The following CLASP2 variants were observed in gnomAD, a reference collection of about 807,000 sequenced individuals.
The protein encoded by CLASP2 is cytoplasmic linker associated protein 2.
In CLASP2, 47 loss-of-function variants were observed where a neutral mutation model predicts 194.4. The ratio of observed to expected loss-of-function variants is 0.24; its 90% CI spans 0.19 to 0.31. CLASP2 has a LOEUF of 0.31. CLASP2 is among the 10% of genes least tolerant of loss of function. The pLI is 1.00. For synonymous variants in CLASP2, 619 were observed against 633.5 expected, an observed-to-expected ratio of 0.98 and a Z score of 0.34; for missense variants, 1,445 against 1,823.6, an observed-to-expected ratio of 0.79 and a Z score of 3.78.
intron 21 of CLASP2, among the ~76,000 whole-genome samples, chr3:33,589,814 A>T (rs558005926): frequency 1.4e-3 from 215 of 152,060 alleles, no homozygotes; most frequent in African/African-American, 3.5e-3. Flanking sequence ...AAGTATTTTT[A>T]AAAAAAAGCC....
intron 7 of CLASP2, among the ~76,000 whole-genome samples, chr3:33,654,008 C>T (rs1418883143): frequency 1.3e-5 from 2 of 148,616 alleles, no homozygotes; most frequent in Non-Finnish European, 3.0e-5. Flanking sequence ...AAAAAGAAGG[C>T]ACATTCCCTT....
chr3:33,691,243 G>A (rs1217342985), intron 2 of CLASP2, among the ~76,000 whole-genome samples: 2 of 152,062 alleles, frequency 1.3e-5, no homozygotes, highest in African/African-American at 4.8e-5. Context: ...CTGAATCAAC[G>A]GAGGACTAAG....
chr3:33,635,400 C>T (rs780456813), intron 8 of CLASP2, among the ~76,000 whole-genome samples: 1 of 152,156 alleles, frequency 6.6e-6, no homozygotes, highest in Non-Finnish European at 1.5e-5. Flanking sequence ...AAAAAGGTTT[C>T]TTGTGGAACT....
Position 33,535,470 on chromosome 3 carries a change from G to T in CLASP2, c.3559-9C>A. The T allele has an allele frequency of 6.2e-7, 1 of 1,604,186 alleles. No homozygotes were observed. The highest frequency in any genetic ancestry group is 1.1e-5 in the South Asian group (1 of 90,252). ...CCAGGACCACCACACATCTATCAATGGGAAGTGAAAGCCACAGCAAATTAA... is the reference window on the plus strand; with the variant it reads ...CCAGGACCACCACACATCTATCAATTGGAAGTGAAAGCCACAGCAAATTAA... On this transcript the variant is annotated splice_polypyrimidine_tract_variant and intron_variant, in intron 33 of 38. Coordinates refer to ENST00000682230, the MANE Select transcript of CLASP2 (RefSeq NM_001365631.1).
At chr3:33,593,590 T>C (rs1025733317) in intron 20 of CLASP2, among the ~76,000 whole-genome samples, 2 of 152,188 alleles carry the variant, frequency 1.3e-5, no homozygotes, top group African/African-American at 4.8e-5. Flanking sequence ...AGAAGTTTAA[T>C]TGGTAGAATA....
rs2045793734 is a variant in CLASP2, at chr3:33,496,462, AG to A, written c.*2168del. On this transcript the variant is annotated 3_prime_UTR_variant, in exon 39 of 39. Coordinates refer to ENST00000682230, the MANE Select transcript of CLASP2 (RefSeq NM_001365631.1). ...TGATTTAAATAATCAGCTTTCTTAT[AG>A]TCTTATCAACTGAGATTATAAAATT... 1 of 152,212 alleles carries A rather than the reference AG, an allele frequency of 6.6e-6. No homozygotes were observed. The highest frequency in any genetic ancestry group is 1.5e-5 in the Non-Finnish European group (1 of 68,030). 9.4% of individuals were successfully genotyped at this position (152,212 alleles called of 1,614,324 possible).
At chr3:33,560,609 A>T (rs191517046) in intron 28 of CLASP2, among the ~76,000 whole-genome samples, 199 bp downstream of exon 28, 29 of 151,604 alleles carry the variant, frequency 1.9e-4, no homozygotes, top group Non-Finnish European at 2.7e-4. Flanking sequence ...CAATTTTTAT[A>T]AAAAAAAATG....
At chr3:33,592,540 A>G (rs1446499313) in intron 20 of CLASP2, 44 bp from the exon 21 acceptor site, 1 of 1,389,468 alleles carries the variant, frequency 7.2e-7, no homozygotes. Flanking sequence ...TTTTTCTATA[A>G]TAATGTTTAA....
At chr3:33,688,405 C>T in intron 3 of CLASP2, 37 bp from the exon 4 acceptor site, 2 of 1,373,648 alleles carry the variant, frequency 1.5e-6, no homozygotes, top group Non-Finnish European at 2.0e-6. Flanking sequence ...TAACAAAAAA[C>T]TAAATTATTC....
chr3:33,611,587 T>C (rs1164902079), intron 13 of CLASP2, among the ~76,000 whole-genome samples: 1 of 152,206 alleles, frequency 6.6e-6, no homozygotes, highest in African/African-American at 2.4e-5. Flanking sequence ...TACTAATGTG[T>C]ATCTCATTTA....
At chr3:33,674,497 T>C (rs998316759) in intron 6 of CLASP2, among the ~76,000 whole-genome samples, 2 of 150,758 alleles carry the variant, frequency 1.3e-5, no homozygotes, top group African/African-American at 2.5e-5. Flanking sequence ...AGATCCAAAA[T>C]TGACACCCTA....
chr3:33,684,017 G>A (rs2090249106), intron 6 of CLASP2, among the ~76,000 whole-genome samples: 1 of 151,616 alleles, frequency 6.6e-6, no homozygotes, highest in South Asian at 2.1e-4. Flanking sequence ...GCTGAGGTGG[G>A]TGGATCACCT....
intron 29 of CLASP2, among the ~76,000 whole-genome samples, chr3:33,552,648 C>T (rs1243651930): frequency 3.9e-5 from 6 of 151,984 alleles, no homozygotes; most frequent in South Asian, 4.1e-4. Context: ...CATAGTGAAA[C>T]GTTTCTCATA....
intron 30 of CLASP2, among the ~76,000 whole-genome samples, chr3:33,546,396 C>A (rs1027662073): frequency 6.6e-6 from 1 of 152,152 alleles, no homozygotes; most frequent in Admixed American, 6.5e-5. Context: ...ATATTTCGAT[C>A]ATATCCTTCC....
intron 24 of CLASP2, among the ~76,000 whole-genome samples, chr3:33,575,542 C>T (rs929403397): frequency 2.0e-5 from 3 of 151,948 alleles, no homozygotes; most frequent in African/African-American, 7.3e-5. Context: ...GGAAATTAGC[C>T]AAAGCCAATT....
At chr3:33,557,128 C>T (rs113927145) in intron 29 of CLASP2, among the ~76,000 whole-genome samples, 2 of 151,768 alleles carry the variant, frequency 1.3e-5, no homozygotes, top group African/African-American at 2.4e-5. Context: ...TGCCCAACAT[C>T]ACCCCTGGCT....
At chr3:33,707,772 G>A (rs1306875288) in intron 1 of CLASP2, among the ~76,000 whole-genome samples, 1 of 152,124 alleles carries the variant, frequency 6.6e-6, no homozygotes, top group Non-Finnish European at 1.5e-5. Flanking sequence ...ATCATTACAC[G>A]AATGAAACCG....
At chr3:33,631,885 T>C (rs1444162360) in intron 9 of CLASP2, among the ~76,000 whole-genome samples, 1 of 152,112 alleles carries the variant, frequency 6.6e-6, no homozygotes, top group East Asian at 1.9e-4. Context: ...AGTCAGGTTG[T>C]AGAATGTTAT....
chr3:33,549,315 C>T (rs1213269997), intron 30 of CLASP2, among the ~76,000 whole-genome samples: 1 of 152,068 alleles, frequency 6.6e-6, no homozygotes, highest in African/African-American at 2.4e-5. Flanking sequence ...GGTGGTGAAT[C>T]GATTACTGAT....
Sources: gnomAD v4.1 joint callset for allele counts (sites outside exome capture counted in the v4.1 genomes callset) on GRCh38, gnomAD v4.1.1 for gene constraint, MANE v1.5 for transcripts, NCBI Gene and HGNC (gene_info 2026-07-23, HGNC 2026-07-21) for gene names.